ROBO2: variants seen among roughly 807,000 people sequenced by gnomAD.
ROBO2 encodes roundabout homolog 2.
In ROBO2, 53 loss-of-function variants were observed where a neutral mutation model predicts 160.8. That is an observed-to-expected ratio of 0.33 (90% CI 0.26 to 0.41). The LOEUF is 0.41. Ranked by LOEUF, ROBO2 falls within the 10% of genes least tolerant of loss-of-function variation. The pLI is 1.00. For missense variants in ROBO2, 1,577 were observed against 1,722.4 expected (o/e 0.92, Z 1.49); for synonymous variants, 664 against 611.7 (o/e 1.09, Z -1.26).
At chr3:75,922,018 G>C (rs904141997) in intron 1 of ROBO2, among the ~76,000 whole-genome samples, 1 of 152,070 alleles carries the variant, frequency 6.6e-6, no homozygotes, top group African/African-American at 2.4e-5. Context: ...CCTTTTACAG[G>C]GTAGTGGTGG....
chr3:76,156,587 A>G (rs189006760), intron 2 of ROBO2, among the ~76,000 whole-genome samples: 1 of 152,372 alleles, frequency 6.6e-6, no homozygotes, highest in Non-Finnish European at 1.5e-5. Flanking sequence ...GTGTTTGTCA[A>G]TGCCAAAATC....
At chr3:77,602,484 T>C (rs776989553) in exon 20 of ROBO2, 6 of 1,613,962 alleles carry the variant, frequency 3.7e-6, no homozygotes, top group South Asian at 1.1e-5. Flanking sequence ...AGAACAAAGG[T>C]AACAATGGTG....
At chr3:77,367,781 T>C (rs2071133668) in intron 2 of ROBO2, among the ~76,000 whole-genome samples, 1 of 152,164 alleles carries the variant, frequency 6.6e-6, no homozygotes, top group Non-Finnish European at 1.5e-5. Flanking sequence ...TGCTATAATG[T>C]TAACTCTTAG....
intron 2 of ROBO2, among the ~76,000 whole-genome samples, chr3:76,642,879 A>C (rs1449801902): frequency 6.6e-6 from 1 of 152,212 alleles, no homozygotes; most frequent in Non-Finnish European, 1.5e-5. Context: ...ATGCGTCCAT[A>C]AGACTTTTAT....
At chr3:77,533,666 G>A (rs1050906724) in intron 6 of ROBO2, among the ~76,000 whole-genome samples, 3 of 152,154 alleles carry the variant, frequency 2.0e-5, no homozygotes, top group African/African-American at 7.2e-5. Flanking sequence ...AATTCCTCAT[G>A]TGCTTTGCTT....
intron 2 of ROBO2, among the ~76,000 whole-genome samples, chr3:76,818,691 A>G (rs2065886365): frequency 2.0e-5 from 3 of 152,022 alleles, no homozygotes; most frequent in Admixed American, 2.0e-4. Flanking sequence ...ACAATTATCC[A>G]GGCACCATTT....
At chr3:76,572,527 C>G (rs1299462519) in intron 2 of ROBO2, among the ~76,000 whole-genome samples, 1 of 152,154 alleles carries the variant, frequency 6.6e-6, no homozygotes, top group Non-Finnish European at 1.5e-5. Context: ...TTTACTTGAA[C>G]AGTGTGCTCA....
Position 76,910,697 on chromosome 3 carries a change from G to T in ROBO2, c.110-187317G>T, listed in dbSNP as rs543344225. Among the ~76,000 whole-genome samples, 7 of 124,406 alleles carry T rather than the reference G, an allele frequency of 5.6e-5. No homozygotes were observed. In the East Asian group the frequency reaches 1.8e-3, roughly 32 times the overall value. The allele number at this position is 124,406 out of a possible 152,430, so 81.6% of individuals were successfully genotyped here. On this transcript the variant is annotated intron_variant, in intron 2 of 26. Coordinates refer to the ROBO2 transcript ENST00000487694. ...GCCGAGATCACACCACTGCACTCCA[G>T]CCTGGGCCACAGAGTGAAACTCTGT...
intron 2 of ROBO2, among the ~76,000 whole-genome samples, chr3:77,303,019 A>G (rs2062791272): frequency 6.6e-6 from 1 of 152,188 alleles, no homozygotes; most frequent in South Asian, 2.1e-4. Context: ...TATTTCCTTA[A>G]TATGTGCACA....
chr3:76,491,211 A>G (rs1377082369), intron 2 of ROBO2, among the ~76,000 whole-genome samples: 1 of 152,030 alleles, frequency 6.6e-6, no homozygotes, highest in Non-Finnish European at 1.5e-5. Flanking sequence ...GACCTCCCAA[A>G]GTGCTGGGAT....
chr3:76,770,893 G>A (rs72894230), intron 2 of ROBO2, among the ~76,000 whole-genome samples: 8 of 151,256 alleles, frequency 5.3e-5, no homozygotes, highest in African/African-American at 1.4e-4. Context: ...AGGATGCTCC[G>A]ATACTTCCTT....
chr3:76,353,979 AG>A (rs2108312156), intron 2 of ROBO2, among the ~76,000 whole-genome samples: 1 of 152,054 alleles, frequency 6.6e-6, no homozygotes, highest in East Asian at 1.9e-4. Context: ...GACGAAGAAC[AG>A]TTAACTAAAA....
At chr3:77,390,232 G>A (rs2153499569) in intron 2 of ROBO2, among the ~76,000 whole-genome samples, 1 of 152,184 alleles carries the variant, frequency 6.6e-6, no homozygotes, top group African/African-American at 2.4e-5. Context: ...CCTGTAAATT[G>A]GTTACTCTCC....
intron 2 of ROBO2, among the ~76,000 whole-genome samples, chr3:76,508,988 G>A (rs1311407566): frequency 6.6e-6 from 1 of 152,140 alleles, no homozygotes; most frequent in Non-Finnish European, 1.5e-5. Flanking sequence ...ATGTGAATCT[G>A]AAGAAGCTCT....
chr3:77,642,730 A>C, intron 24 of ROBO2: 1 of 456,742 alleles, frequency 2.2e-6, no homozygotes, highest in South Asian at 1.5e-5. Context: ...AATAGGCCCG[A>C]GCCAGCAGGC....
At chr3:76,231,645 G>C (rs535897233) in intron 2 of ROBO2, among the ~76,000 whole-genome samples, 2 of 152,264 alleles carry the variant, frequency 1.3e-5, no homozygotes, top group South Asian at 4.1e-4. Flanking sequence ...GTAGCAGTTG[G>C]TGACTTTATT....
chr3:77,095,146 T>C (rs1268461041), intron 1 of ROBO2, among the ~76,000 whole-genome samples: 1 of 152,078 alleles, frequency 6.6e-6, no homozygotes, highest in Non-Finnish European at 1.5e-5. Context: ...CATTTCATAG[T>C]TTTACTTTTT....
chr3:77,130,459 G>A (rs1399710321), intron 2 of ROBO2, among the ~76,000 whole-genome samples: 5 of 152,010 alleles, frequency 3.3e-5, no homozygotes, highest in African/African-American at 1.2e-4. Flanking sequence ...AAAAAATAAA[G>A]TGAGAAATGT....
chr3:77,605,808 C>T (rs1305208426), intron 20 of ROBO2, among the ~76,000 whole-genome samples: 1 of 152,138 alleles, frequency 6.6e-6, no homozygotes, highest in African/African-American at 2.4e-5. Flanking sequence ...TTGTCTATTT[C>T]TGTTACTCAG....
Sources: allele counts gnomAD v4.1 joint callset (sites outside exome capture counted in the v4.1 genomes callset), GRCh38; gene constraint gnomAD v4.1.1; transcripts MANE v1.5; gene names NCBI Gene and HGNC (gene_info 2026-07-23, HGNC 2026-07-21).